NSD1: variants seen among roughly 807,000 people sequenced by gnomAD.
NSD1 encodes histone-lysine N-methyltransferase, H3 lysine-36 specific.
NSD1 carries 26 observed loss-of-function variants against 242.7 expected under a neutral mutation model. The ratio of observed to expected loss-of-function variants is 0.11; its 90% CI spans 0.08 to 0.15. NSD1 has a LOEUF of 0.15. Ranked by LOEUF, NSD1 falls within the 10% of genes least tolerant of loss-of-function variation. The pLI is 1.00. For missense variants in NSD1, 2,495 were observed against 3,272.8 expected (o/e 0.76, Z 5.80); for synonymous variants, 1,106 against 1,178.1 (o/e 0.94, Z 1.25).
At chr5:177,223,144 G>A (rs560579812) in intron 5 of NSD1, among the ~76,000 whole-genome samples, 8 of 150,420 alleles carry the variant, frequency 5.3e-5, no homozygotes, top group African/African-American at 9.7e-5. Flanking sequence ...ACCCAGAGCC[G>A]GATCTTGGCT....
intron 5 of NSD1, among the ~76,000 whole-genome samples, chr5:177,233,537 A>ATTT (rs56908682): frequency 0.21 from 25,909 of 126,176 alleles, 3,634 homozygotes; most frequent in East Asian, 0.45. Context: ...CCTGGCTAGT[A>ATTT]TTTTTTTTTT....
intron 5 of NSD1, among the ~76,000 whole-genome samples, chr5:177,219,556 T>C (rs1764076689): frequency 6.6e-6 from 1 of 152,210 alleles, no homozygotes; most frequent in African/African-American, 2.4e-5. Flanking sequence ...GAGTTTGTTG[T>C]TTAATTTCCA....
At chr5:177,203,254 A>G (rs1762636174) in intron 3 of NSD1, among the ~76,000 whole-genome samples, 1 of 152,184 alleles carries the variant, frequency 6.6e-6, no homozygotes, top group African/African-American at 2.4e-5. Context: ...AGTGTAATAA[A>G]AGTTGCTAAT....
chr5:177,236,461 A>G (rs1289388018), intron 6 of NSD1, among the ~76,000 whole-genome samples: 8 of 152,176 alleles, frequency 5.3e-5, no homozygotes, highest in South Asian at 4.1e-4. Flanking sequence ...AATTTCATCA[A>G]TTATCCCCTA....
Position 177,210,129 on chromosome 5 carries a change from C to G in NSD1, c.1730C>G (p.Thr577Ser), listed in dbSNP as rs759520953. 1 of 1,613,502 alleles carries G rather than the reference C, an allele frequency of 6.2e-7. No individual in the cohort carries two copies. Among genetic ancestry groups the G allele is most frequent in the East Asian group, 2.2e-5 (1 of 44,878 alleles). The part of the protein sequence containing the change: ...SFLFSSCGKN[T>S]AKKEFETSNG... ...CTGTTTTCTTCCTGTGGAAAAAACA[C>G]TGCAAAGAAAGAATTTGAGACTTCA... Residue 577 changes from threonine (T) to serine (S), a missense_variant, in exon 5 of 23, where the codon ACT becomes AGT. Thr to Ser is a moderately conservative substitution (Grantham distance 58). Transcript: ENST00000439151.
chr5:177,171,506 TAGCATGTATC>T (rs1759709036), intron 2 of NSD1, among the ~76,000 whole-genome samples: 1 of 152,226 alleles, frequency 6.6e-6, no homozygotes, highest in Non-Finnish European at 1.5e-5. Flanking sequence ...TATCCTTATT[TAGCATGTATC>T]AGCGGCCACA....
Position 177,135,964 on chromosome 5 carries a change from T to C in NSD1, c.861T>C (p.Ser287=), listed in dbSNP as rs1258682571. The C allele has an allele frequency of 1.2e-6, 2 of 1,614,100 alleles. No individual in the cohort carries two copies. Among genetic ancestry groups the C allele is most frequent in the African/African-American group, 1.3e-5 (1 of 75,034 alleles). The change falls in exon 2 of 23, where the codon AGT becomes AGC. Residue 287 remains serine (S), a synonymous_variant. Transcript: ENST00000439151. ...SFQDDPDSST[S]TLGNMLELPG... ...AGGATGATCCAGATTCCAGTACCAG[T>C]ACATTAGGAAACATGCTAGAATTAC...
chr5:177,271,149 TG>T (rs1709602951), intron 16 of NSD1, among the ~76,000 whole-genome samples: 1 of 152,148 alleles, frequency 6.6e-6, no homozygotes, highest in Non-Finnish European at 1.5e-5. Flanking sequence ...CTTGTATTTT[TG>T]CAGGAGAATC....
rs1760448979 is a variant in NSD1 at position 177,299,431 on chromosome 5, A to T, written c.*3972A>T. On this transcript the variant is annotated 3_prime_UTR_variant, in exon 23 of 23. Transcript: ENST00000439151. ...GGTGAAGGTGGCCATTGAGTTTCTC[A>T]GGGCTGGGGCCACCTTGTCCATAGC... The T allele has an allele frequency of 4.3e-6, 1 of 233,242 alleles. No individual in the cohort carries two copies. The allele number at this position is 233,242 out of a possible 1,614,324, so 14.4% of individuals were successfully genotyped here.
Position 177,246,697 on chromosome 5 carries a change from C to T in NSD1, c.4398C>T (p.Asp1466=), listed in dbSNP as rs74922885. The T allele has an allele frequency of 8.7e-6, 14 of 1,613,706 alleles. No homozygotes were observed. Among genetic ancestry groups the T allele is most frequent in the Middle Eastern group, 1.6e-4 (1 of 6,084 alleles). Residue 1466 remains aspartate (D), a synonymous_variant, in exon 10 of 23, where the codon GAC becomes GAT. Transcript: ENST00000439151. Reference sequence around the variant, plus strand: ...TCATAGGCACTACCAAGATATTTGACAAGCCAAGGAAGCGAAAACGACAGA... The same window carrying T: ...TCATAGGCACTACCAAGATATTTGATAAGCCAAGGAAGCGAAAACGACAGA... The part of the protein sequence containing the change: ...DFGGGTTKIF[D]KPRKRKRQRH...
In NSD1 at chr5:177,290,018, A is replaced by G. The variant is rs569347940; in HGVS notation, c.6258+1093A>G. Among the ~76,000 whole-genome samples, 39 of 151,528 alleles carry G rather than the reference A, an allele frequency of 2.6e-4. 1 individual carries two copies. Among genetic ancestry groups the G allele is most frequent in the Non-Finnish European group, 4.1e-4 (28 of 67,886 alleles). ...AATTTTTTATATTTTTAGTAGAAAC[A>G]GGGTTTCACTGTTGTTAGCCAGGTT... is the stretch of plus-strand genomic sequence containing the variant. On this transcript the variant is annotated intron_variant, in intron 21 of 22. Coordinates refer to ENST00000439151, the MANE Select transcript of NSD1 (RefSeq NM_022455.5).
rs913611979 is a variant in NSD1 at position 177,256,817 on chromosome 5, G to T, written c.4766-134G>T. On this transcript the variant is annotated intron_variant, in intron 12 of 22. Coordinates refer to ENST00000439151, the MANE Select transcript of NSD1 (RefSeq NM_022455.5). Reference sequence around the variant, plus strand: ...GATTGTTCATTTATAATAATACTAAGATTGTTACAGTGGGTTCAGACGATG... The same window carrying T: ...GATTGTTCATTTATAATAATACTAATATTGTTACAGTGGGTTCAGACGATG... The T allele has an allele frequency of 3.9e-5, 28 of 724,522 alleles. No homozygotes were observed. In the South Asian group the frequency reaches 4.1e-4, roughly 11 times the overall value. 44.9% of individuals were successfully genotyped at this position (724,522 alleles called of 1,614,324 possible).
At chr5:177,216,627 G>A (rs936543147) in intron 5 of NSD1, among the ~76,000 whole-genome samples, 5 of 150,104 alleles carry the variant, frequency 3.3e-5, no homozygotes, top group Non-Finnish European at 7.4e-5. Context: ...CACTGTTGTC[G>A]AAGGTCATTT....
At chr5:177,284,055 T>G (rs1216965548) in intron 20 of NSD1, 127 bp downstream of exon 20, 5 of 1,244,946 alleles carry the variant, frequency 4.0e-6, no homozygotes, top group Non-Finnish European at 5.8e-6. Context: ...TTAAGTTCAT[T>G]TACATTTTTG....
rs1036069579 is a variant in NSD1 at position 177,135,747 on chromosome 5, C to T, written c.644C>T (p.Pro215Leu). 1 of 1,614,062 alleles carries T rather than the reference C, an allele frequency of 6.2e-7. No individual in the cohort carries two copies. Among genetic ancestry groups the T allele is most frequent in the Non-Finnish European group, 8.5e-7 (1 of 1,180,012 alleles). The change falls in exon 2 of 23, where the codon CCA becomes CTA. Residue 215 changes from proline to leucine, a missense_variant. Coordinates refer to ENST00000439151, the MANE Select transcript of NSD1 (RefSeq NM_022455.5). ...ATGGGAAGTGAACAAGACAGCACAC[C>T]AGAGAGTAGACACGGTGCAGTCAAA... is the stretch of plus-strand genomic sequence containing the variant. The part of the protein sequence containing the change: ...VAMGSEQDST[P>L]ESRHGAVKSP...
intron 8 of NSD1, 64 bp downstream of exon 8, chr5:177,239,929 A>G: frequency 3.0e-6 from 3 of 1,002,898 alleles, no homozygotes; most frequent in South Asian, 2.7e-5. Flanking sequence ...TAAAAATGAC[A>G]TTTTGAGTAG....
chr5:177,285,893 T>G lies in NSD1; in HGVS notation c.6151+1965T>G, dbSNP rs543731705. 3.9e-5 allele frequency among the ~76,000 whole-genome samples: 6 copies of G among 152,214 alleles called. No individual in the cohort carries two copies. In the South Asian group the frequency reaches 1.2e-3, roughly 32 times the overall value. On this transcript the variant is annotated intron_variant, in intron 20 of 22. Coordinates refer to ENST00000439151, the MANE Select transcript of NSD1 (RefSeq NM_022455.5). Reference sequence around the variant, plus strand: ...GATCTTAGTCTGTTTTTGTGTGTGTTTGTTTGCTTGCTTGTTTGTTGAAAC... The same window carrying G: ...GATCTTAGTCTGTTTTTGTGTGTGTGTGTTTGCTTGCTTGTTTGTTGAAAC...
At chr5:177,264,028 ATTTTTTT>A (rs61538775) in intron 14 of NSD1, among the ~76,000 whole-genome samples, 48 of 76,386 alleles carry the variant, frequency 6.3e-4, no homozygotes, top group African/African-American at 1.6e-3. Flanking sequence ...CAATGAACCA[ATTTTTTT>A]TTTTTTTTTT....
intron 2 of NSD1, among the ~76,000 whole-genome samples, chr5:177,158,293 C>CTTTCTTTTCTTTCTTTCT (rs57903249): frequency 3.9e-5 from 3 of 77,674 alleles, no homozygotes; most frequent in East Asian, 4.3e-4. Context: ...TTCTTTCTTT[C>CTTTCTTTTCTTTCTTTCT]TTTCTTTCTT....
Sources: gnomAD v4.1 joint callset for allele counts (sites outside exome capture counted in the v4.1 genomes callset) on GRCh38, gnomAD v4.1.1 for gene constraint, MANE v1.5 for transcripts, NCBI Gene and HGNC (gene_info 2026-07-23, HGNC 2026-07-21) for gene names.